MAJIN: variants seen among roughly 807,000 people sequenced by gnomAD.
The protein encoded by MAJIN is membrane-anchored junction protein.
A neutral mutation model predicts 30.2 loss-of-function variants in MAJIN; 27 were observed. The ratio of observed to expected loss-of-function variants is 0.89; its 90% CI spans 0.66 to 1.23. MAJIN has a LOEUF of 1.23. MAJIN is among the 50% of genes most tolerant of loss of function. The pLI, the probability that MAJIN is intolerant of heterozygous loss-of-function variation, is 0.00. For synonymous variants in MAJIN, 78 were observed against 91.6 expected (o/e 0.85, Z 0.85); for missense variants, 253 against 260.3 (o/e 0.97, Z 0.19).
At chr11:64,950,826 C>T (rs1048660026) in intron 4 of MAJIN, among the ~76,000 whole-genome samples, 1 of 152,142 alleles carries the variant, frequency 6.6e-6, no homozygotes, top group Non-Finnish European at 1.5e-5. Flanking sequence ...AAGTGCTCTG[C>T]CCTCCTCGGT....
intron 1 of MAJIN, among the ~76,000 whole-genome samples, chr11:64,971,045 A>T (rs1945893210): frequency 6.6e-6 from 1 of 152,174 alleles, no homozygotes; most frequent in Non-Finnish European, 1.5e-5. Flanking sequence ...CTGTAATCCC[A>T]GCACTTTGGG....
chr11:64,939,554 A>G, intron 10 of MAJIN, 108 bp downstream of exon 10: 1 of 917,730 alleles, frequency 1.1e-6, no homozygotes, highest in Non-Finnish European at 1.7e-6. Flanking sequence ...ATAAGTGAGA[A>G]GCCTCTGTAA....
chr11:64,953,714 T>C, intron 4 of MAJIN, among the ~76,000 whole-genome samples: 1 of 152,074 alleles, frequency 6.6e-6, no homozygotes, highest in South Asian at 2.1e-4. Context: ...TCGCTGGAAC[T>C]TGGGAGATGG....
In MAJIN at chr11:64,972,084, A is replaced by G. The variant is rs1415730858; in HGVS notation, c.-272T>C. ...TCGGGGCTCGTGCCGCGCACCCACC[A>G]GGCCTTCTGCGCACGCGCAAGTGCG... On this transcript the variant is annotated 5_prime_UTR_variant, in exon 1 of 11. Transcript: ENST00000301896. 6.6e-6 allele frequency: 1 copy of G among 152,056 alleles called. No individual in the cohort carries two copies. Among genetic ancestry groups the G allele is most frequent in the Non-Finnish European group, 1.5e-5 (1 of 68,012 alleles). The allele number at this position is 152,056 out of a possible 1,614,324, so 9.4% of individuals were successfully genotyped here.
intron 6 of MAJIN, among the ~76,000 whole-genome samples, chr11:64,949,448 T>C (rs1945514819): frequency 6.6e-6 from 1 of 152,216 alleles, no homozygotes; most frequent in East Asian, 1.9e-4. Context: ...AGTCAGGCTT[T>C]GTACTTTTCA....
At chr11:64,962,282 TTGCTGGC>T (rs1166181916) in intron 1 of MAJIN, among the ~76,000 whole-genome samples, 1 of 152,228 alleles carries the variant, frequency 6.6e-6, no homozygotes, top group Non-Finnish European at 1.5e-5. Flanking sequence ...TTCCTGTTAA[TTGCTGGC>T]TGCCCGATTC....
chr11:64,969,603 G>A (rs1276597254), intron 1 of MAJIN, among the ~76,000 whole-genome samples: 1 of 152,108 alleles, frequency 6.6e-6, no homozygotes, highest in Non-Finnish European at 1.5e-5. Context: ...GAAGCTGACA[G>A]TAGCCAGGTC....
At chr11:64,960,448 T>G (rs1945704837) in intron 1 of MAJIN, among the ~76,000 whole-genome samples, 1 of 152,184 alleles carries the variant, frequency 6.6e-6, no homozygotes, top group African/African-American at 2.4e-5. Context: ...AACAAGCCTA[T>G]AAGTCTAAAT....
At chr11:64,949,956 G>A in intron 5 of MAJIN, 88 bp from the exon 6 acceptor site, 1 of 1,498,746 alleles carries the variant, frequency 6.7e-7, no homozygotes, top group South Asian at 1.2e-5. Context: ...TCCTTCCCCT[G>A]ACCTACCCTC....
chr11:64,963,614 G>A (rs1383443029), intron 1 of MAJIN, among the ~76,000 whole-genome samples: 1 of 152,180 alleles, frequency 6.6e-6, no homozygotes, highest in Non-Finnish European at 1.5e-5. Flanking sequence ...GCAGCAGGTG[G>A]ATCACCTGAG....
In MAJIN at chr11:64,966,969, G is replaced by A. The variant is rs116325163; in HGVS notation, c.-65+4908C>T. Among the ~76,000 whole-genome samples, 564 of 151,418 alleles carry A rather than the reference G, an allele frequency of 3.7e-3. 4 individuals carry two copies. The highest frequency in any genetic ancestry group is 0.013 in the African/African-American group (530 of 41,290). ...AAAAGAAAGAAAAAGAAATGTACTTGCTAGGTTTATAGAAAGATATACTTG... is the reference window on the plus strand; with the variant it reads ...AAAAGAAAGAAAAAGAAATGTACTTACTAGGTTTATAGAAAGATATACTTG... On this transcript the variant is annotated intron_variant, in intron 1 of 10. Coordinates refer to ENST00000301896, the MANE Select transcript of MAJIN (RefSeq NM_001037225.3).
chr11:64,954,944 A>G (rs1215693208), intron 3 of MAJIN, 142 bp from the exon 4 acceptor site: 2 of 736,390 alleles, frequency 2.7e-6, no homozygotes, highest in Non-Finnish European at 4.3e-6. Context: ...CCCAGTGCTC[A>G]TGGGGAAGAA....
intron 3 of MAJIN, among the ~76,000 whole-genome samples, chr11:64,957,928 G>A (rs1945661530): frequency 6.6e-6 from 1 of 151,154 alleles, no homozygotes; most frequent in South Asian, 2.1e-4. Context: ...TAAACACACT[G>A]CTTTAAATTT....
intron 4 of MAJIN, among the ~76,000 whole-genome samples, chr11:64,952,717 G>A (rs1293579073): frequency 6.6e-6 from 1 of 151,550 alleles, no homozygotes; most frequent in Non-Finnish European, 1.5e-5. Flanking sequence ...TTCTTTTTTT[G>A]TTTTTGAGAT....
chr11:64,971,985 C>T lies in MAJIN; in HGVS notation c.-173G>A, dbSNP rs1021839716. 2 of 152,200 alleles carry T rather than the reference C, an allele frequency of 1.3e-5. No homozygotes were observed. The highest frequency in any genetic ancestry group is 4.8e-5 in the African/African-American group (2 of 41,452). 9.4% of individuals were successfully genotyped at this position (152,200 alleles called of 1,614,324 possible). ...CGGACGGAATACCCACTAAGAAGTGCTCTCTGAAAAAGGCGGGCGCCAACC... is the reference window on the plus strand; with the variant it reads ...CGGACGGAATACCCACTAAGAAGTGTTCTCTGAAAAAGGCGGGCGCCAACC... On this transcript the variant is annotated 5_prime_UTR_variant, in exon 1 of 11. Transcript: ENST00000301896.
At chr11:64,947,179 A>G (rs1475757880) in intron 8 of MAJIN, among the ~76,000 whole-genome samples, 195 bp downstream of exon 8, 2 of 152,194 alleles carry the variant, frequency 1.3e-5, no homozygotes, top group African/African-American at 2.4e-5. Flanking sequence ...TACTTTGCTG[A>G]AAAAGGGACT....
chr11:64,959,820 G>A (rs1255652424), intron 2 of MAJIN, among the ~76,000 whole-genome samples: 1 of 152,172 alleles, frequency 6.6e-6, no homozygotes, highest in African/African-American at 2.4e-5. Context: ...AGTGGATACA[G>A]AGAGGGCTCA....
intron 1 of MAJIN, among the ~76,000 whole-genome samples, chr11:64,960,827 G>C (rs1945709788): frequency 6.6e-6 from 1 of 152,176 alleles, no homozygotes; most frequent in African/African-American, 2.4e-5. Context: ...TTCAAGTCTG[G>C]GGCTGCCAGT....
chr11:64,946,755 A>G (rs11231908), intron 8 of MAJIN, among the ~76,000 whole-genome samples: 18,301 of 152,082 alleles, frequency 0.12, 1,564 homozygotes, highest in East Asian at 0.28. Context: ...CTAGGGTGCT[A>G]ATAAGAATGA....
Sources: allele counts gnomAD v4.1 joint callset (sites outside exome capture counted in the v4.1 genomes callset), GRCh38; gene constraint gnomAD v4.1.1; transcripts MANE v1.5; gene names NCBI Gene and HGNC (gene_info 2026-07-23, HGNC 2026-07-21).